The following SLC30A8 variants were observed in gnomAD, a reference collection of about 807,000 sequenced individuals.
SLC30A8 encodes solute carrier family 30 member 8, also known as proton-coupled zinc antiporter SLC30A8.
SLC30A8 carries 27 observed loss-of-function variants against 36.9 expected under a neutral mutation model. The ratio of observed to expected loss-of-function variants is 0.73; its 90% CI spans 0.54 to 1.01. SLC30A8 has a LOEUF of 1.01. Among genes scored for constraint, SLC30A8 ranks in the 50% least tolerant of loss-of-function variants. The pLI is 0.00. For missense variants in SLC30A8, 439 were observed against 452.0 expected, an observed-to-expected ratio of 0.97 and a Z score of 0.26; for synonymous variants, 164 against 172.4, an observed-to-expected ratio of 0.95 and a Z score of 0.38.
At chr8:117,037,973 T>G (rs1007082790) in intron 1 of SLC30A8, among the ~76,000 whole-genome samples, 2 of 152,174 alleles carry the variant, frequency 1.3e-5, no homozygotes, top group Non-Finnish European at 2.9e-5. Flanking sequence ...TCACTGCAGA[T>G]TCAGACATTG....
At chr8:117,058,660 C>T (rs548716468) in intron 2 of SLC30A8, among the ~76,000 whole-genome samples, 2 of 152,338 alleles carry the variant, frequency 1.3e-5, no homozygotes, top group African/African-American at 4.8e-5. Flanking sequence ...CAAATCCAGA[C>T]TGCCACCCGG....
intron 2 of SLC30A8, among the ~76,000 whole-genome samples, chr8:117,078,304 A>G (rs2130808059): frequency 6.6e-6 from 1 of 152,266 alleles, no homozygotes; most frequent in Middle Eastern, 3.4e-3. Context: ...TTCTAGTCCT[A>G]CTGCTTGCTT....
At chr8:117,069,701 T>C (rs759159302) in intron 2 of SLC30A8, among the ~76,000 whole-genome samples, 3 of 152,266 alleles carry the variant, frequency 2.0e-5, no homozygotes, top group Non-Finnish European at 4.4e-5. Context: ...TTTAGCGTTC[T>C]TGAATTTTCA....
chr8:117,064,793 C>G (rs1818119823), intron 2 of SLC30A8, among the ~76,000 whole-genome samples: 2 of 152,170 alleles, frequency 1.3e-5, no homozygotes, highest in Non-Finnish European at 2.9e-5. Context: ...TCACCCAGCC[C>G]CATCTGGGAG....
At chr8:117,055,171 G>A (rs149163777) in intron 2 of SLC30A8, among the ~76,000 whole-genome samples, 227 of 152,336 alleles carry the variant, frequency 1.5e-3, no homozygotes, top group African/African-American at 5.1e-3. Context: ...AGCTCAGAAA[G>A]TTCACAAAGG....
Position 116,996,977 on chromosome 8 carries a change from C to CT in SLC30A8, c.-265-42228dup, listed in dbSNP as rs778956654. On this transcript the variant is annotated intron_variant, in intron 1 of 10. Transcript: ENST00000427715. The stretch of plus-strand genomic sequence containing the variant: ...TGGAGTGCTTCAAGAAGGAGGCATT[C>CT]TTTTTTTTTTTTTTGAGACGGAGTT... 6.5e-3 allele frequency among the ~76,000 whole-genome samples: 921 copies of CT among 142,368 alleles called. 5 individuals carry two copies. The highest frequency in any genetic ancestry group is 0.018 in the African/African-American group (706 of 38,964). 93.4% of individuals were successfully genotyped at this position (142,368 alleles called of 152,430 possible). A position where few individuals can be genotyped will look rare whatever the true frequency, so the allele number is the denominator to read the frequency against.
chr8:117,003,840 C>A (rs1010473550), intron 1 of SLC30A8, among the ~76,000 whole-genome samples: 6 of 152,158 alleles, frequency 3.9e-5, no homozygotes, highest in African/African-American at 1.4e-4. Flanking sequence ...GTCATATGGG[C>A]CAGAGGAAAA....
intron 2 of SLC30A8, among the ~76,000 whole-genome samples, chr8:117,081,641 C>T (rs1818681257): frequency 6.6e-6 from 1 of 152,162 alleles, no homozygotes; most frequent in Non-Finnish European, 1.5e-5. Context: ...TGAGCATTCT[C>T]TTGTCCTTTT....
At chr8:117,142,933 TA>T (rs1804527737) in intron 1 of SLC30A8, among the ~76,000 whole-genome samples, 1 of 152,158 alleles carries the variant, frequency 6.6e-6, no homozygotes, top group African/African-American at 2.4e-5. Context: ...AGGTATGCAG[TA>T]AATATTTAAT....
intron 1 of SLC30A8, among the ~76,000 whole-genome samples, chr8:117,038,970 C>T (rs891708420): frequency 1.3e-5 from 2 of 152,034 alleles, no homozygotes; most frequent in East Asian, 3.9e-4. Context: ...GTAGAACTGC[C>T]AAGGAGGAAG....
chr8:116,986,800 C>T (rs1238819993), intron 1 of SLC30A8, among the ~76,000 whole-genome samples: 1 of 152,008 alleles, frequency 6.6e-6, no homozygotes. Flanking sequence ...TGATGATCCT[C>T]ATAAATGAGC....
chr8:116,972,936 GTC>G (rs2130620724), intron 1 of SLC30A8, among the ~76,000 whole-genome samples: 1 of 152,230 alleles, frequency 6.6e-6, no homozygotes, highest in African/African-American at 2.4e-5. Flanking sequence ...GAATGTTTTA[GTC>G]TCTCCAAAAT....
chr8:116,987,534 A>G (rs1215236952), intron 1 of SLC30A8, among the ~76,000 whole-genome samples: 1 of 152,016 alleles, frequency 6.6e-6, no homozygotes, highest in Non-Finnish European at 1.5e-5. Context: ...AAGTCTCTAT[A>G]TTCTTCTTTC....
chr8:116,952,943 C>G (rs1339185129), intron 1 of SLC30A8, among the ~76,000 whole-genome samples: 1 of 151,434 alleles, frequency 6.6e-6, no homozygotes, highest in Non-Finnish European at 1.5e-5. Flanking sequence ...TTGCGTGAGG[C>G]TGAGGTTAGG....
At chr8:116,986,161 C>T (rs1050238809) in intron 1 of SLC30A8, among the ~76,000 whole-genome samples, 1 of 152,130 alleles carries the variant, frequency 6.6e-6, no homozygotes, top group Non-Finnish European at 1.5e-5. Context: ...AGAAAAATAC[C>T]CAGTACGTAG....
intron 4 of SLC30A8, among the ~76,000 whole-genome samples, chr8:117,158,949 T>C (rs931278821): frequency 3.3e-5 from 5 of 152,234 alleles, no homozygotes; most frequent in Non-Finnish European, 7.3e-5. Context: ...TGGGAAATTA[T>C]CCTTGATTAT....
At chr8:117,033,308 T>C (rs1400872704) in intron 1 of SLC30A8, among the ~76,000 whole-genome samples, 1 of 152,256 alleles carries the variant, frequency 6.6e-6, no homozygotes, top group Non-Finnish European at 1.5e-5. Context: ...GGAATATTTA[T>C]TAGCCATAAC....
upstream of SLC30A8, among the ~76,000 whole-genome samples, chr8:117,134,294 C>T (rs965457181): frequency 6.6e-6 from 1 of 151,978 alleles, no homozygotes. Context: ...GGGGTTTACT[C>T]CTGTTCTCCA....
intron 1 of SLC30A8, among the ~76,000 whole-genome samples, chr8:117,000,477 T>C (rs1474557399): frequency 8.5e-5 from 13 of 152,196 alleles, no homozygotes; most frequent in Non-Finnish European, 1.9e-4. Flanking sequence ...AGTGTATAAA[T>C]TGTAAACTTA....
Sources: gnomAD v4.1 joint callset for allele counts (sites outside exome capture counted in the v4.1 genomes callset) on GRCh38, gnomAD v4.1.1 for gene constraint, MANE v1.5 for transcripts, NCBI Gene and HGNC (gene_info 2026-07-23, HGNC 2026-07-21) for gene names.